UGT2A1: variants seen among roughly 807,000 people sequenced by gnomAD.
UGT2A1 encodes the protein UDP glucuronosyltransferase family 2 member A1 complex locus, also known as UDP-glucuronosyltransferase 2A1.
Under a neutral mutation model 45.4 loss-of-function variants are expected in UGT2A1, and 61 were observed. The observed-to-expected ratio is 1.34, with a 90% CI of 1.09 to 1.66. The LOEUF (loss-of-function observed/expected upper bound fraction) is 1.66, where lower values mean the gene tolerates loss of function less well. Ranked by LOEUF, UGT2A1 falls within the 40% of genes most tolerant of loss-of-function variation. The pLI, the probability that UGT2A1 is intolerant of heterozygous loss-of-function variation, is 0.00. For synonymous variants in UGT2A1, 229 were observed against 196.2 expected (o/e 1.17, Z -1.40); for missense variants, 649 against 574.3 (o/e 1.13, Z -1.33).
intron 3 of UGT2A1, among the ~76,000 whole-genome samples, chr4:69,617,236 G>C (rs1230450597): frequency 6.6e-6 from 1 of 151,866 alleles, no homozygotes. Context: ...AATCTCACTT[G>C]AGACTTTCTT....
rs1001923411 is a variant in UGT2A1 at position 69,588,800 on chromosome 4, T to A, written c.*572A>T. The A allele has an allele frequency of 6.6e-6, 1 of 152,088 alleles. No individual in the cohort carries two copies. Among genetic ancestry groups the A allele is most frequent in the African/African-American group, 2.4e-5 (1 of 41,418 alleles). 9.4% of individuals were successfully genotyped at this position (152,088 alleles called of 1,614,324 possible). On this transcript the variant is annotated 3_prime_UTR_variant, in exon 7 of 7. Coordinates refer to ENST00000286604, the MANE Select transcript of UGT2A1 (RefSeq NM_001252275.3). ...ATGCTTAATGAAAATTTTGTAGACA[T>A]TTAATAGGGACGCACGTCACACTTA...
chr4:69,639,775 T>C (rs1721952615), intron 2 of UGT2A1: 1 of 868,764 alleles, frequency 1.2e-6, no homozygotes, highest in Non-Finnish European at 1.6e-6. Flanking sequence ...AGGTAAATAA[T>C]ATAATTCAAA....
intron 3 of UGT2A1, among the ~76,000 whole-genome samples, chr4:69,629,729 T>C (rs1195333451): frequency 2.6e-5 from 4 of 152,074 alleles, no homozygotes; most frequent in Non-Finnish European, 5.9e-5. Context: ...AACTGATCTT[T>C]TCTGGGCTAC....
chr4:69,623,227 G>T (rs1300680506), intron 3 of UGT2A1, among the ~76,000 whole-genome samples: 1 of 151,692 alleles, frequency 6.6e-6, no homozygotes, highest in African/African-American at 2.4e-5. Flanking sequence ...TGATTGTACT[G>T]CATGCCAAGT....
Position 69,646,958 on chromosome 4 carries a change from T to A in UGT2A1, c.687A>T (p.Ser229=). 1 of 1,598,054 alleles carries A rather than the reference T, an allele frequency of 6.3e-7. No homozygotes were observed. Among genetic ancestry groups the A allele is most frequent in the South Asian group, 1.1e-5 (1 of 87,858 alleles). Reference sequence around the variant, plus strand: ...AAGCTTTACTATAGTATGAATCCCATGATTTCCAAAGAGTTTCAAACATGT... The same window carrying A: ...AAGCTTTACTATAGTATGAATCCCAAGATTTCCAAAGAGTTTCAAACATGT... ...QDYMFETLWK[S]WDSYYSKALG... is the part of the protein sequence containing the mutation. The change falls in exon 2 of 7, where the codon TCA becomes TCT. Residue 229 remains serine, a synonymous_variant. Coordinates refer to ENST00000286604, the MANE Select transcript of UGT2A1 (RefSeq NM_001252275.3).
intron 6 of UGT2A1, among the ~76,000 whole-genome samples, chr4:69,593,620 C>G (rs1233427231): frequency 6.6e-6 from 1 of 151,242 alleles, no homozygotes; most frequent in Non-Finnish European, 1.5e-5. Flanking sequence ...AGATTCATTT[C>G]AATCTAAAAG....
intron 3 of UGT2A1, among the ~76,000 whole-genome samples, chr4:69,624,964 T>C (rs1487982638): frequency 6.6e-6 from 1 of 151,146 alleles, no homozygotes; most frequent in Non-Finnish European, 1.5e-5. Context: ...CAAGAAGTGG[T>C]GGTCTATAGA....
At chr4:69,628,754 T>G (rs1721227605) in intron 3 of UGT2A1, among the ~76,000 whole-genome samples, 1 of 148,330 alleles carries the variant, frequency 6.7e-6, no homozygotes, top group Admixed American at 6.8e-5. Flanking sequence ...TACTTAATAC[T>G]AAATGTAAAG....
chr4:69,630,755 C>T (rs1297606835), intron 3 of UGT2A1, among the ~76,000 whole-genome samples: 1 of 152,114 alleles, frequency 6.6e-6, no homozygotes, highest in Non-Finnish European at 1.5e-5. Flanking sequence ...AACTGGTATA[C>T]AGACCCTAAA....
chr4:69,629,664 G>A (rs1416853592), intron 3 of UGT2A1, among the ~76,000 whole-genome samples: 1 of 152,002 alleles, frequency 6.6e-6, no homozygotes, highest in East Asian at 1.9e-4. Flanking sequence ...TCATTTCTAG[G>A]AATATTAAAT....
intron 4 of UGT2A1, chr4:69,596,197 T>C (rs1317210138): frequency 2.1e-6 from 3 of 1,428,946 alleles, no homozygotes; most frequent in East Asian, 4.9e-5. Context: ...ACTAGCTGCA[T>C]TGTCTCTCCC....
intron 5 of UGT2A1, 29 bp downstream of exon 5, chr4:69,595,133 G>T: frequency 6.2e-7 from 1 of 1,612,624 alleles, no homozygotes; most frequent in Non-Finnish European, 8.5e-7. Flanking sequence ...TTGTCCCACT[G>T]TACAGCTTTT....
At chr4:69,599,695 A>AGAG (rs1719150863) in intron 3 of UGT2A1, 9 of 200,442 alleles carry the variant, frequency 4.5e-5, no homozygotes, top group Non-Finnish European at 7.0e-5. Context: ...GAAATAAAGA[A>AGAG]AGAGAGAGAG....
intron 3 of UGT2A1, among the ~76,000 whole-genome samples, chr4:69,600,898 T>G (rs955371403): frequency 6.6e-6 from 1 of 152,046 alleles, no homozygotes; most frequent in African/African-American, 2.4e-5. Flanking sequence ...ATGAATACTC[T>G]ACCCCCATGA....
In UGT2A1 at chr4:69,604,621, CT is replaced by C. The variant is rs1408206536; in HGVS notation, c.848-5228del. ...AAATGCTCCAATTAAAAGACACAGA[CT>C]GGCAAATTGGATAAAGAGCCAAGAC... is the stretch of plus-strand genomic sequence containing the variant. On this transcript the variant is annotated intron_variant, in intron 3 of 6. Coordinates refer to ENST00000286604, the MANE Select transcript of UGT2A1 (RefSeq NM_001252275.3). 2.2e-5 allele frequency among the ~76,000 whole-genome samples: 3 copies of C among 136,908 alleles called. 1 individual carries two copies. Among genetic ancestry groups the C allele is most frequent in the African/African-American group, 8.9e-5 (3 of 33,878 alleles). 89.8% of individuals were successfully genotyped at this position (136,908 alleles called of 152,430 possible).
intron 3 of UGT2A1, among the ~76,000 whole-genome samples, chr4:69,623,354 T>C (rs532281468): frequency 2.6e-5 from 4 of 151,730 alleles, no homozygotes; most frequent in South Asian, 4.2e-4. Flanking sequence ...AGAAAAGAAT[T>C]TGAATACAAG....
rs187927288 is a variant in UGT2A1, at chr4:69,631,032, G to A, written c.847+4659C>T. On this transcript the variant is annotated intron_variant, in intron 3 of 6. Coordinates refer to ENST00000286604, the MANE Select transcript of UGT2A1 (RefSeq NM_001252275.3). ...CCAGCTCTCTAGATATGAAATCATC[G>A]ACATAAGCTTTCTATTGTTCTCTTT... is the stretch of plus-strand genomic sequence containing the variant. Among the ~76,000 whole-genome samples, 73 of 152,124 alleles carry A rather than the reference G, an allele frequency of 4.8e-4. 1 individual carries two copies. The highest frequency in any genetic ancestry group is 5.1e-4 in the Non-Finnish European group (35 of 67,974).
At chr4:69,604,043 T>C (rs1403180076) in intron 3 of UGT2A1, among the ~76,000 whole-genome samples, 1 of 135,920 alleles carries the variant, frequency 7.4e-6, no homozygotes, top group African/African-American at 3.0e-5. Flanking sequence ...AAGGCCAACG[T>C]TCAAACTCAG....
Position 69,606,260 on chromosome 4 carries a change from T to G in UGT2A1, c.848-6866A>C, listed in dbSNP as rs576681370. The stretch of plus-strand genomic sequence containing the variant: ...GGGCTTCATCCCTGGGACGCAAGGC[T>G]GGGTCAACATACGCAAATCAACAAA... On this transcript the variant is annotated intron_variant, in intron 3 of 6. Coordinates refer to ENST00000286604, the MANE Select transcript of UGT2A1 (RefSeq NM_001252275.3). Among the ~76,000 whole-genome samples, 6 of 136,638 alleles carry G rather than the reference T, an allele frequency of 4.4e-5. 1 individual carries two copies. Among genetic ancestry groups the G allele is most frequent in the African/African-American group, 1.5e-4 (5 of 33,710 alleles). 89.6% of individuals were successfully genotyped at this position (136,638 alleles called of 152,430 possible).
Sources: allele counts gnomAD v4.1 joint callset (sites outside exome capture counted in the v4.1 genomes callset), GRCh38; gene constraint gnomAD v4.1.1; transcripts MANE v1.5; gene names NCBI Gene and HGNC (gene_info 2026-07-23, HGNC 2026-07-21).